CCDC149: variants seen among roughly 807,000 people sequenced by gnomAD.
CCDC149 encodes coiled-coil domain-containing protein 149.
CCDC149 carries 45 observed loss-of-function variants against 59.9 expected under a neutral mutation model. That is an observed-to-expected ratio of 0.75 (90% CI 0.59 to 0.96). The LOEUF is 0.96. Among genes scored for constraint, CCDC149 ranks in the 40% least tolerant of loss-of-function variants. The probability of loss-of-function intolerance (pLI) is 0.00; values close to 1 mark genes in which losing one functional copy is unlikely to be tolerated. For missense variants in CCDC149, 584 were observed against 664.7 expected (o/e 0.88, Z 1.33); for synonymous variants, 245 against 260.6 (o/e 0.94, Z 0.58).
chr4:24,843,012 TA>T (rs59079628), intron 4 of CCDC149, among the ~76,000 whole-genome samples: 18,467 of 147,498 alleles, frequency 0.13, 1,312 homozygotes, highest in African/African-American at 0.21. Context: ...GTGACTTGTT[TA>T]AAAAAAAAAA....
At chr4:24,839,028 TCA>T (rs56226858) in intron 4 of CCDC149, among the ~76,000 whole-genome samples, 2,356 of 131,864 alleles carry the variant, frequency 0.018, 31 homozygotes, top group African/African-American at 0.024. Context: ...TCTCTCTCTC[TCA>T]CACACACACA....
Position 24,837,099 on chromosome 4 carries a change from GGAGT to G in CCDC149, c.662+125_662+128del. 1.2e-6 allele frequency: 1 copy of G among 833,962 alleles called. No homozygotes were observed. Among genetic ancestry groups the G allele is most frequent in the Non-Finnish European group, 1.8e-6 (1 of 541,490 alleles). The allele number at this position is 833,962 out of a possible 1,614,324, so 51.7% of individuals were successfully genotyped here. ...ATGGCATTGATGTCATCATTTCGGG[GGAGT>G]GAGTTTCTTTTCACTTGTAAGGCAA... On this transcript the variant is annotated intron_variant, in intron 6 of 12. Transcript: ENST00000635206. This position sits in a 1 kb window ranked among gnomAD's most constrained non-coding sequence, Gnocchi z 4.3.
chr4:24,905,261 C>T (rs754246392), intron 1 of CCDC149, among the ~76,000 whole-genome samples: 19 of 151,890 alleles, frequency 1.3e-4, no homozygotes, highest in Admixed American at 2.6e-4. Flanking sequence ...GTGTTGTGCA[C>T]ATATTTTCTC....
intron 4 of CCDC149, among the ~76,000 whole-genome samples, chr4:24,852,864 C>T (rs1717750241): frequency 6.6e-6 from 1 of 152,068 alleles, no homozygotes; most frequent in Non-Finnish European, 1.5e-5. Context: ...TTTAGAGCCA[C>T]TGAGAAACAC....
At chr4:24,866,672 G>A (rs994512485) in intron 3 of CCDC149, among the ~76,000 whole-genome samples, 3 of 151,552 alleles carry the variant, frequency 2.0e-5, no homozygotes, top group African/African-American at 7.3e-5. Flanking sequence ...ATTTGCCATC[G>A]GAAATTCGTT....
chr4:24,893,127 G>C (rs61793771), intron 1 of CCDC149, among the ~76,000 whole-genome samples: 2,977 of 152,290 alleles, frequency 0.02, 49 homozygotes, highest in Middle Eastern at 0.082. Flanking sequence ...TTCCATGTAA[G>C]TTGTGAAGGG....
chr4:24,823,946 C>T (rs956875411), intron 9 of CCDC149, among the ~76,000 whole-genome samples: 3 of 152,198 alleles, frequency 2.0e-5, no homozygotes, highest in South Asian at 2.1e-4. Flanking sequence ...TTTGTAATCT[C>T]GCTTTCCATA....
chr4:24,862,073 A>C (rs1294185836), intron 3 of CCDC149, among the ~76,000 whole-genome samples: 2 of 152,222 alleles, frequency 1.3e-5, no homozygotes, highest in Non-Finnish European at 2.9e-5. Flanking sequence ...ACCAAGATGA[A>C]TCTTGATAGA....
intron 1 of CCDC149, among the ~76,000 whole-genome samples, chr4:24,901,880 T>C (rs534650450): frequency 6.6e-6 from 1 of 152,332 alleles, no homozygotes; most frequent in South Asian, 2.1e-4. Flanking sequence ...GGGGTCTTCC[T>C]TTAGAATGTT....
In CCDC149 at chr4:24,808,270, C is replaced by A; in HGVS notation, c.*119G>T. The stretch of plus-strand genomic sequence containing the variant: ...GTTTGCAACAGGATCAGTGCGTTTT[C>A]TCACTTGCAGACTCGGAGGTATTTC... On this transcript the variant is annotated 3_prime_UTR_variant, in exon 13 of 13. Transcript: ENST00000635206. 1.1e-6 allele frequency: 1 copy of A among 899,652 alleles called. No homozygotes were observed. Among genetic ancestry groups the A allele is most frequent in the Non-Finnish European group, 1.6e-6 (1 of 632,560 alleles). The allele number at this position is 899,652 out of a possible 1,614,324, so 55.7% of individuals were successfully genotyped here.
At chr4:24,974,251 G>A (rs922080135) in intron 1 of CCDC149, among the ~76,000 whole-genome samples, 2 of 152,186 alleles carry the variant, frequency 1.3e-5, no homozygotes, top group Admixed American at 1.3e-4. Context: ...GGAGAGACTC[G>A]GGAGGCATCA....
intron 4 of CCDC149, among the ~76,000 whole-genome samples, chr4:24,852,279 A>G (rs2109182173): frequency 7.7e-6 from 1 of 129,994 alleles, no homozygotes; most frequent in South Asian, 2.5e-4. Flanking sequence ...CTCCCCTCCA[A>G]CACACCATAC....
chr4:24,918,423 T>C (rs1375507400), intron 1 of CCDC149, among the ~76,000 whole-genome samples: 1 of 152,184 alleles, frequency 6.6e-6, no homozygotes, highest in Non-Finnish European at 1.5e-5. Flanking sequence ...TCCACCCCCA[T>C]ACCAGGTCAT....
At chr4:24,892,567 T>C (rs139062399) in intron 1 of CCDC149, among the ~76,000 whole-genome samples, 67 of 152,318 alleles carry the variant, frequency 4.4e-4, no homozygotes, top group East Asian at 3.7e-3. Flanking sequence ...GGTATGACCA[T>C]AGAAGCGTCA....
intron 1 of CCDC149, among the ~76,000 whole-genome samples, chr4:24,903,401 C>T (rs1341484121): frequency 6.6e-6 from 1 of 152,094 alleles, no homozygotes; most frequent in African/African-American, 2.4e-5. Context: ...TGAGCTTGGC[C>T]CAATCAGCCT....
intron 3 of CCDC149, among the ~76,000 whole-genome samples, chr4:24,856,526 G>A (rs895527009): frequency 2.0e-5 from 3 of 152,206 alleles, no homozygotes; most frequent in Non-Finnish European, 4.4e-5. Flanking sequence ...AGGAGAGAGA[G>A]AGCCTTGTAG....
intron 3 of CCDC149, 117 bp from the exon 4 acceptor site, chr4:24,853,296 T>C (rs996593176): frequency 2.7e-6 from 2 of 750,960 alleles, no homozygotes; most frequent in Non-Finnish European, 2.3e-6. Flanking sequence ...ACAAAGCCCG[T>C]TATAGTAAAC....
intron 1 of CCDC149, among the ~76,000 whole-genome samples, chr4:24,953,394 T>C (rs1468005613): frequency 2.6e-5 from 4 of 152,178 alleles, no homozygotes; most frequent in Non-Finnish European, 5.9e-5. Flanking sequence ...ATTTTTGTCT[T>C]TTCTGCCTTT....
At chr4:24,828,645 G>A (rs1301089490) in intron 9 of CCDC149, 2 of 152,048 alleles carry the variant, frequency 1.3e-5, no homozygotes, top group African/African-American at 4.8e-5. Context: ...GTCAGGCGTG[G>A]TGGCATGCAC....
Sources: allele counts gnomAD v4.1 joint callset (sites outside exome capture counted in the v4.1 genomes callset), GRCh38; gene constraint gnomAD v4.1.1; non-coding constraint Gnocchi (gnomAD v3.1); transcripts MANE v1.5; gene names NCBI Gene and HGNC (gene_info 2026-07-23, HGNC 2026-07-21).